PKHD1: variants seen among roughly 807,000 people sequenced by gnomAD.
PKHD1 encodes fibrocystin.
PKHD1 carries 291 observed loss-of-function variants against 412.0 expected under a neutral mutation model. The observed-to-expected ratio is 0.71, with a 90% CI of 0.64 to 0.78. The LOEUF (loss-of-function observed/expected upper bound fraction) is 0.78, where lower values mean the gene tolerates loss of function less well. Ranked by LOEUF, PKHD1 falls within the 30% of genes least tolerant of loss-of-function variation. PKHD1 has a pLI of 0.00. For missense variants in PKHD1, 4,825 were observed against 4,950.7 expected, an observed-to-expected ratio of 0.97 and a Z score of 0.76; for synonymous variants, 1,777 against 1,821.5, an observed-to-expected ratio of 0.98 and a Z score of 0.62.
intron 50 of PKHD1, among the ~76,000 whole-genome samples, chr6:51,842,086 C>T (rs1294728777): frequency 2.6e-5 from 4 of 152,214 alleles, no homozygotes; most frequent in South Asian, 2.1e-4. Context: ...GCCCTTTATT[C>T]GTGGTGAGGC....
At chr6:51,853,892 T>A (rs1179107127) in intron 49 of PKHD1, among the ~76,000 whole-genome samples, 4 of 152,202 alleles carry the variant, frequency 2.6e-5, no homozygotes, top group Non-Finnish European at 5.9e-5. Context: ...AGTTTTTTAT[T>A]ACCCATCTTC....
At chr6:51,858,683 T>C (rs1419950054) in intron 48 of PKHD1, among the ~76,000 whole-genome samples, 1 of 152,202 alleles carries the variant, frequency 6.6e-6, no homozygotes, top group African/African-American at 2.4e-5. Flanking sequence ...TAAATCAGAA[T>C]TTTTAGTTAA....
intron 50 of PKHD1, among the ~76,000 whole-genome samples, chr6:51,846,318 C>T (rs1026303931): frequency 1.3e-5 from 2 of 152,184 alleles, no homozygotes; most frequent in Non-Finnish European, 1.5e-5. Context: ...GTGAAAGAGG[C>T]AAAGGGTGGA....
At chr6:51,641,749 G>A (rs575997298) in intron 63 of PKHD1, among the ~76,000 whole-genome samples, 1 of 152,156 alleles carries the variant, frequency 6.6e-6, no homozygotes, top group Non-Finnish European at 1.5e-5. Flanking sequence ...GCAGGGACAT[G>A]GATGAAGCTG....
At chr6:52,066,852 A>G (rs1472286050) in intron 11 of PKHD1, among the ~76,000 whole-genome samples, 2 of 152,162 alleles carry the variant, frequency 1.3e-5, no homozygotes, top group Admixed American at 1.3e-4. Flanking sequence ...CTGAGCCAAG[A>G]TGGTGCCACT....
chr6:51,770,566 T>G (rs1789910330), intron 55 of PKHD1, among the ~76,000 whole-genome samples: 1 of 151,838 alleles, frequency 6.6e-6, no homozygotes, highest in Non-Finnish European at 1.5e-5. Context: ...AATTTGTACT[T>G]ACTTTCTTAT....
intron 49 of PKHD1, among the ~76,000 whole-genome samples, chr6:51,855,587 A>G (rs1356815482): frequency 6.6e-6 from 1 of 152,256 alleles, no homozygotes; most frequent in Non-Finnish European, 1.5e-5. Flanking sequence ...ATGCAATGCT[A>G]TAAGATGTGT....
chr6:51,706,320 A>G (rs1780012366), intron 60 of PKHD1, among the ~76,000 whole-genome samples: 1 of 152,094 alleles, frequency 6.6e-6, no homozygotes, highest in African/African-American at 2.4e-5. Context: ...CAATCTACAT[A>G]TGGCCCTTTA....
At chr6:51,654,004 C>G (rs1771392471) in intron 61 of PKHD1, among the ~76,000 whole-genome samples, 1 of 152,054 alleles carries the variant, frequency 6.6e-6, no homozygotes, top group Non-Finnish European at 1.5e-5. Context: ...TACAGGAAAA[C>G]AGAAATCACT....
chr6:51,933,305 A>C (rs1786940737), intron 37 of PKHD1, among the ~76,000 whole-genome samples: 1 of 152,204 alleles, frequency 6.6e-6, no homozygotes, highest in Non-Finnish European at 1.5e-5. Context: ...ACTGTAGCCT[A>C]ATCTATTTTC....
At chr6:52,072,937 T>C (rs1236203018) in intron 7 of PKHD1, among the ~76,000 whole-genome samples, 2 of 152,224 alleles carry the variant, frequency 1.3e-5, no homozygotes, top group Non-Finnish European at 2.9e-5. Flanking sequence ...GATGATTTAA[T>C]AGTAACACTT....
chr6:52,041,268 C>G (rs541244847), intron 27 of PKHD1, among the ~76,000 whole-genome samples: 2 of 152,176 alleles, frequency 1.3e-5, no homozygotes, highest in African/African-American at 4.8e-5. Flanking sequence ...TTTAAATACC[C>G]CAGAGCATCA....
At chr6:52,024,411 T>C (rs989090423) in intron 32 of PKHD1, among the ~76,000 whole-genome samples, 163 bp downstream of exon 32, 2 of 152,194 alleles carry the variant, frequency 1.3e-5, no homozygotes, top group Admixed American at 1.3e-4. Flanking sequence ...AAACAGAGCA[T>C]AACAAAGACA....
At chr6:51,641,506 C>A (rs1393854265) in intron 63 of PKHD1, among the ~76,000 whole-genome samples, 6 of 152,084 alleles carry the variant, frequency 3.9e-5, no homozygotes, top group Admixed American at 3.9e-4. Flanking sequence ...GGATCTAGAA[C>A]CAGAAATACC....
At chr6:52,007,527 C>A (rs1799245726) in intron 35 of PKHD1, among the ~76,000 whole-genome samples, 1 of 152,178 alleles carries the variant, frequency 6.6e-6, no homozygotes, top group Non-Finnish European at 1.5e-5. Context: ...CCATGTATCA[C>A]ATATGTATGA....
intron 53 of PKHD1, among the ~76,000 whole-genome samples, chr6:51,779,635 T>C (rs1044007657): frequency 1.3e-5 from 2 of 152,060 alleles, no homozygotes; most frequent in African/African-American, 4.8e-5. Context: ...TACCCCCTAG[T>C]AATAAAAGAC....
chr6:51,947,860 G>C (rs1789706292), intron 36 of PKHD1, among the ~76,000 whole-genome samples: 1 of 151,966 alleles, frequency 6.6e-6, no homozygotes, highest in African/African-American at 2.4e-5. Flanking sequence ...TCTCTACTTG[G>C]ATGTCTCATA....
At chr6:51,995,105 C>T (rs1032997435) in intron 35 of PKHD1, among the ~76,000 whole-genome samples, 5 of 152,150 alleles carry the variant, frequency 3.3e-5, no homozygotes, top group African/African-American at 1.2e-4. Context: ...TTTTCACCTG[C>T]AGTCTTAAGA....
At chr6:51,834,941 C>T (rs530232869) in intron 51 of PKHD1, among the ~76,000 whole-genome samples, 1 of 152,256 alleles carries the variant, frequency 6.6e-6, no homozygotes, top group Non-Finnish European at 1.5e-5. Context: ...GCTCATATGA[C>T]TGACTACTGA....
Sources: gnomAD v4.1 joint callset for allele counts (sites outside exome capture counted in the v4.1 genomes callset) on GRCh38, gnomAD v4.1.1 for gene constraint, MANE v1.5 for transcripts, NCBI Gene and HGNC (gene_info 2026-07-23, HGNC 2026-07-21) for gene names.